Variants in CDC42BPB observed in about 807,000 individuals in gnomAD.
CDC42BPB encodes CDC42 binding protein kinase beta.
A neutral mutation model predicts 214.9 loss-of-function variants in CDC42BPB; 37 were observed. The observed-to-expected ratio is 0.17, with a 90% CI of 0.13 to 0.23. The LOEUF (loss-of-function observed/expected upper bound fraction) is 0.23. Among genes scored for constraint, CDC42BPB ranks in the 10% least tolerant of loss-of-function variants. The pLI, the probability that CDC42BPB is intolerant of heterozygous loss-of-function variation, is 1.00. For synonymous variants in CDC42BPB, 931 were observed against 884.0 expected, an observed-to-expected ratio of 1.05 and a Z score of -0.94; for missense variants, 1,694 against 2,227.0, an observed-to-expected ratio of 0.76 and a Z score of 4.82.
chr14:102,987,192 A>T (rs948494427), intron 5 of CDC42BPB, among the ~76,000 whole-genome samples: 1 of 152,236 alleles, frequency 6.6e-6, no homozygotes, highest in African/African-American at 2.4e-5. Context: ...ATAGATGAAG[A>T]CATGGAAGCT....
intron 1 of CDC42BPB, among the ~76,000 whole-genome samples, chr14:103,042,321 T>C (rs1170897206): frequency 6.6e-6 from 1 of 152,138 alleles, no homozygotes; most frequent in Non-Finnish European, 1.5e-5. Context: ...CAATTTTTTT[T>C]TTTTTTGAGA....
At chr14:102,947,533 C>T (rs1046833492) in intron 27 of CDC42BPB, among the ~76,000 whole-genome samples, 188 bp downstream of exon 27, 6 of 152,124 alleles carry the variant, frequency 3.9e-5, no homozygotes, top group Non-Finnish European at 7.4e-5. Context: ...AGCCAGGAGG[C>T]TCCCCGAGAC....
intron 28 of CDC42BPB, among the ~76,000 whole-genome samples, chr14:102,946,017 C>CT (rs1277472896): frequency 6.6e-5 from 10 of 150,736 alleles, no homozygotes; most frequent in South Asian, 2.1e-4. Flanking sequence ...AGGTCATCTG[C>CT]TTTTTTTTTG....
chr14:102,987,056 T>C (rs34644161), intron 5 of CDC42BPB, among the ~76,000 whole-genome samples: 17,685 of 152,246 alleles, frequency 0.12, 1,279 homozygotes, highest in Middle Eastern at 0.18. Context: ...GAGGGACACG[T>C]GTGGAGGAAG....
intron 19 of CDC42BPB, 169 bp from the exon 20 acceptor site, chr14:102,963,324 A>G: frequency 1.0e-6 from 1 of 974,134 alleles, no homozygotes. Flanking sequence ...GAACAGTACG[A>G]ATATTTCAAA....
intron 1 of CDC42BPB, among the ~76,000 whole-genome samples, chr14:103,043,229 G>A (rs145280461): frequency 8.7e-4 from 133 of 152,034 alleles, no homozygotes; most frequent in Non-Finnish European, 1.5e-3. Flanking sequence ...GAGAGAGAGA[G>A]CAAGACTCCA....
At position 102,964,579 on chromosome 14, in the gene CDC42BPB, C is replaced by T; in HGVS notation, c.2649G>A (p.Leu883=). The T allele has an allele frequency of 6.2e-7, 1 of 1,613,956 alleles. No individual in the cohort carries two copies. The highest frequency in any genetic ancestry group is 8.5e-7 in the Non-Finnish European group (1 of 1,180,010). Reference sequence around the variant, plus strand: ...GCTGCTTGGCCCGGATCTCCGCCTCCAGGGCCGACTGCAGCTCCAGCCGCG... The same window carrying T: ...GCTGCTTGGCCCGGATCTCCGCCTCTAGGGCCGACTGCAGCTCCAGCCGCG... ...MSARLELQSA[L]EAEIRAKQLV... is the part of the protein sequence containing the mutation. The change falls in exon 19 of 37, where the codon CTG becomes CTA. Residue 883 remains leucine, a synonymous_variant. Transcript: ENST00000361246.
chr14:102,963,693 G>A (rs1893058971), intron 19 of CDC42BPB, among the ~76,000 whole-genome samples: 1 of 152,248 alleles, frequency 6.6e-6, no homozygotes. Flanking sequence ...ATCACCTGCG[G>A]AGTGTGTGTA....
chr14:103,023,582 C>T (rs1299100355), intron 1 of CDC42BPB, among the ~76,000 whole-genome samples: 1 of 152,188 alleles, frequency 6.6e-6, no homozygotes, highest in Non-Finnish European at 1.5e-5. Flanking sequence ...GTTGGAATTA[C>T]AGGCATGAAC....
chr14:103,008,193 C>G (rs908768392), intron 3 of CDC42BPB, among the ~76,000 whole-genome samples: 1 of 152,204 alleles, frequency 6.6e-6, no homozygotes, highest in African/African-American at 2.4e-5. Flanking sequence ...GAAACTCTCC[C>G]GATGCTTTTT....
intron 14 of CDC42BPB, among the ~76,000 whole-genome samples, 163 bp downstream of exon 14, chr14:102,969,988 C>G (rs1595478679): frequency 1.3e-5 from 2 of 152,344 alleles, no homozygotes; most frequent in African/African-American, 2.4e-5. Flanking sequence ...GTCACGAAGG[C>G]AGGGGTCACA....
chr14:102,974,972 A>C (rs200571256), intron 11 of CDC42BPB, among the ~76,000 whole-genome samples: 1 of 152,056 alleles, frequency 6.6e-6, no homozygotes, highest in East Asian at 1.9e-4. Flanking sequence ...AAAAAACAAA[A>C]ACTGATTGGA....
intron 4 of CDC42BPB, among the ~76,000 whole-genome samples, chr14:103,000,855 G>A (rs1287164338): frequency 6.6e-6 from 1 of 152,108 alleles, no homozygotes; most frequent in East Asian, 1.9e-4. Context: ...CCATCGACAC[G>A]GGAGGCTTGG....
chr14:102,988,803 G>C (rs915103974), intron 5 of CDC42BPB, among the ~76,000 whole-genome samples: 1 of 138,772 alleles, frequency 7.2e-6, no homozygotes, highest in African/African-American at 2.7e-5. Flanking sequence ...GATCCACATG[G>C]AACAGATGAA....
rs1891735111 is a variant in CDC42BPB, at chr14:102,938,368, G to C, written c.4871C>G (p.Pro1624Arg). 3 of 1,582,356 alleles carry C rather than the reference G, an allele frequency of 1.9e-6. No individual in the cohort carries two copies. Among genetic ancestry groups the C allele is most frequent in the Non-Finnish European group, 2.6e-6 (3 of 1,167,086 alleles). Residue 1624 changes from proline to arginine, a missense_variant, in exon 35 of 37, where the codon CCC becomes CGC. Around this residue, in one of 7 missense-constraint regions of CDC42BPB, gnomAD observed 146 missense variants for 134.1 expected, o/e 1.09. Transcript: ENST00000361246. The stretch of plus-strand genomic sequence containing the variant: ...TGGAGGCTGGCGAGCCAGGTTGGTG[G>C]GAGCGGGGCCCGGCCTTTCCTCCTG... ...PSQEERPGPA[P>R]TNLARQPPSR...
At chr14:102,939,050 C>T (rs1291650695) in intron 34 of CDC42BPB, among the ~76,000 whole-genome samples, 2 of 152,134 alleles carry the variant, frequency 1.3e-5, no homozygotes, top group African/African-American at 2.4e-5. Flanking sequence ...CATTCTCCTG[C>T]CTCAGCCTCC....
intron 4 of CDC42BPB, among the ~76,000 whole-genome samples, chr14:103,003,401 T>C (rs2139606913): frequency 6.6e-6 from 1 of 152,350 alleles, no homozygotes; most frequent in South Asian, 2.1e-4. Context: ...GTCACGAGGC[T>C]GGTCCATCTG....
At position 102,968,606 on chromosome 14, in the gene CDC42BPB, G is replaced by A; in HGVS notation, c.2106C>T (p.Val702=). Residue 702 remains valine, a synonymous_variant, in exon 15 of 37, where the codon GTC becomes GTT. Transcript: ENST00000361246. ...CTAGCACATGGGAGGCCTCACGTCT[G>A]ACCAATTCCTCTTCATAAAATAAGA... The part of the protein sequence containing the change: ...KKVLFYEEEL[V]RREASHVLEV... 6.2e-7 allele frequency: 1 copy of A among 1,614,174 alleles called. No individual in the cohort carries two copies. Among genetic ancestry groups the A allele is most frequent in the Non-Finnish European group, 8.5e-7 (1 of 1,180,032 alleles).
At chr14:102,971,025 C>A (rs1244538738) in intron 13 of CDC42BPB, among the ~76,000 whole-genome samples, 4 of 152,164 alleles carry the variant, frequency 2.6e-5, no homozygotes, top group Admixed American at 1.3e-4. Flanking sequence ...ACACCCAGGG[C>A]GGCACAGGGC....
Sources: allele counts gnomAD v4.1 joint callset (sites outside exome capture counted in the v4.1 genomes callset), GRCh38; gene constraint gnomAD v4.1.1; regional missense constraint gnomAD v4.1.1; transcripts MANE v1.5; gene names NCBI Gene and HGNC (gene_info 2026-07-23, HGNC 2026-07-21).